THSD4: variants seen among roughly 807,000 people sequenced by gnomAD.
THSD4 encodes thrombospondin type 1 domain containing 4, also known as thrombospondin type-1 domain-containing protein 4.
Under a neutral mutation model 119.0 loss-of-function variants are expected in THSD4, and 69 were observed. The observed-to-expected ratio is 0.58, with a 90% CI of 0.48 to 0.71. The LOEUF (loss-of-function observed/expected upper bound fraction) is 0.71, where lower values mean the gene tolerates loss of function less well. Among genes scored for constraint, THSD4 ranks in the 30% least tolerant of loss-of-function variants. The probability of loss-of-function intolerance (pLI) is 0.00; values close to 1 mark genes in which losing one functional copy is unlikely to be tolerated. For missense variants in THSD4, 1,393 were observed against 1,391.1 expected, an observed-to-expected ratio of 1.00 and a Z score of -0.02; for synonymous variants, 524 against 540.4, an observed-to-expected ratio of 0.97 and a Z score of 0.42.
chr15:71,589,087 G>C (rs1008128135), intron 7 of THSD4, among the ~76,000 whole-genome samples: 17 of 152,244 alleles, frequency 1.1e-4, no homozygotes, highest in African/African-American at 3.9e-4. Context: ...TTACAATGGA[G>C]AGTTGGAGAT....
intron 6 of THSD4, among the ~76,000 whole-genome samples, chr15:71,371,723 C>A (rs374175257): frequency 4.6e-5 from 7 of 152,190 alleles, no homozygotes; most frequent in South Asian, 2.1e-4. Context: ...TTTTTCCTTC[C>A]TTTCAACTTT....
At chr15:71,683,035 C>T (rs1852591914) in intron 8 of THSD4, among the ~76,000 whole-genome samples, 1 of 150,684 alleles carries the variant, frequency 6.6e-6, no homozygotes, top group African/African-American at 2.4e-5. Flanking sequence ...GATCCTCCTA[C>T]CTCAGCCTCC....
chr15:71,303,744 G>A (rs893697802), intron 6 of THSD4, among the ~76,000 whole-genome samples: 1 of 152,244 alleles, frequency 6.6e-6, no homozygotes. Context: ...GTTTCCTGGT[G>A]CGCTGGATTA....
chr15:71,147,073 A>C (rs763764070), intron 2 of THSD4, among the ~76,000 whole-genome samples: 3 of 152,212 alleles, frequency 2.0e-5, no homozygotes, highest in Non-Finnish European at 4.4e-5. Context: ...CAGTAATTCC[A>C]ATTTGTAGAA....
At chr15:71,217,789 CTT>C (rs11413853) in intron 4 of THSD4, among the ~76,000 whole-genome samples, 14 of 137,732 alleles carry the variant, frequency 1.0e-4, no homozygotes, top group Non-Finnish European at 1.1e-4. Flanking sequence ...AGGCACTGTT[CTT>C]TTTTTTTTTT....
rs767404321 is a variant in THSD4 at position 71,341,439 on chromosome 15, G to A, written c.1016-70248G>A. The A allele has an allele frequency of 2.5e-6, 4 of 1,613,080 alleles. No individual in the cohort carries two copies. In the South Asian group the frequency reaches 3.3e-5, roughly 13 times the overall value. On this transcript the variant is annotated intron_variant, in intron 6 of 17. Coordinates refer to ENST00000261862, the MANE Select transcript of THSD4 (RefSeq NM_024817.3). Reference sequence around the variant, plus strand: ...CTCTCTGCGTTTTTAAGCATGTGCAGCAAGAATTCAGCACTCTTTTTGGGC... The same window carrying A: ...CTCTCTGCGTTTTTAAGCATGTGCAACAAGAATTCAGCACTCTTTTTGGGC...
At chr15:71,274,172 A>C (rs1017502577) in intron 6 of THSD4, among the ~76,000 whole-genome samples, 6 of 152,150 alleles carry the variant, frequency 3.9e-5, no homozygotes, top group African/African-American at 1.4e-4. Context: ...AAAGAAGGGA[A>C]AGTGGATATG....
chr15:71,446,850 T>C (rs918289802), intron 7 of THSD4, among the ~76,000 whole-genome samples: 3 of 152,206 alleles, frequency 2.0e-5, no homozygotes, highest in Admixed American at 1.3e-4. Context: ...CTATTCTTTC[T>C]TGTGCATGCT....
At chr15:71,216,630 G>C (rs961243407) in intron 4 of THSD4, among the ~76,000 whole-genome samples, 1 of 152,240 alleles carries the variant, frequency 6.6e-6, no homozygotes, top group Non-Finnish European at 1.5e-5. Flanking sequence ...TTCCAAGACT[G>C]AGCATGGAGG....
intron 6 of THSD4, among the ~76,000 whole-genome samples, chr15:71,324,381 G>A (rs1178262993): frequency 6.6e-6 from 1 of 152,140 alleles, no homozygotes; most frequent in Admixed American, 6.5e-5. Context: ...GAGTGGTGAA[G>A]TCTGAGATTT....
chr15:71,154,933 G>A lies in THSD4; in HGVS notation c.99+1G>A. On this transcript the variant is annotated splice_donor_variant, in intron 3 of 17. Transcript: ENST00000261862. LOFTEE classifies it high-confidence loss of function. ...ACAGCCCTCCACTCAACACAGGAAGGTAAGCCATGGCCATCCAGAGGTTTT... is the reference window on the plus strand; with the variant it reads ...ACAGCCCTCCACTCAACACAGGAAGATAAGCCATGGCCATCCAGAGGTTTT... 6.2e-7 allele frequency: 1 copy of A among 1,614,090 alleles called. No homozygotes were observed. The highest frequency in any genetic ancestry group is 2.2e-5 in the East Asian group (1 of 44,886).
intron 1 of THSD4, among the ~76,000 whole-genome samples, chr15:71,106,356 T>C (rs1007895913): frequency 2.0e-4 from 30 of 152,128 alleles, no homozygotes; most frequent in Admixed American, 2.6e-4. Flanking sequence ...CTGATGACTT[T>C]CCCTAAGCTC....
chr15:71,119,926 G>A (rs1255726942), intron 1 of THSD4, among the ~76,000 whole-genome samples: 1 of 152,212 alleles, frequency 6.6e-6, no homozygotes, highest in Non-Finnish European at 1.5e-5. Context: ...GGGCTGGTGG[G>A]GGACCAGTGC....
At chr15:71,402,737 C>G (rs1194886583) in intron 6 of THSD4, among the ~76,000 whole-genome samples, 3 of 152,290 alleles carry the variant, frequency 2.0e-5, no homozygotes, top group African/African-American at 7.2e-5. Flanking sequence ...GAAATAAACA[C>G]CTATGAGCCA....
intron 7 of THSD4, among the ~76,000 whole-genome samples, chr15:71,459,346 GTCTCTCTCTC>G (rs57397281): frequency 4.6e-4 from 56 of 121,052 alleles, no homozygotes; most frequent in Non-Finnish European, 4.5e-4. Context: ...CTGTCTCTCT[GTCTCTCTCTC>G]TCTCTCTGTC....
intron 7 of THSD4, among the ~76,000 whole-genome samples, chr15:71,495,540 G>A (rs781674445): frequency 5.3e-5 from 8 of 152,164 alleles, no homozygotes. Context: ...GGGAAAGAAT[G>A]GAACATTCTT....
chr15:71,482,786 C>T (rs969070693), intron 7 of THSD4, among the ~76,000 whole-genome samples: 2 of 151,446 alleles, frequency 1.3e-5, no homozygotes, highest in African/African-American at 4.9e-5. Context: ...GGGGTTTCAC[C>T]ATGTTGGCCA....
chr15:71,216,836 C>G lies in THSD4; in HGVS notation c.464+1437C>G, dbSNP rs368055897. 2.4e-3 allele frequency among the ~76,000 whole-genome samples: 371 copies of G among 152,322 alleles called. 4 individuals are homozygous for G. Among genetic ancestry groups the G allele is most frequent in the African/African-American group, 8.5e-3 (353 of 41,576 alleles). The stretch of plus-strand genomic sequence containing the variant: ...TTTTTGAGACAGAGTCTCACGCTGT[C>G]ACCCAGGTTGGAGTGCAGTGGCACC... On this transcript the variant is annotated intron_variant, in intron 4 of 17. Coordinates refer to ENST00000261862, the MANE Select transcript of THSD4 (RefSeq NM_024817.3).
chr15:71,564,962 A>G (rs2049207168), intron 7 of THSD4, among the ~76,000 whole-genome samples: 1 of 152,108 alleles, frequency 6.6e-6, no homozygotes, highest in African/African-American at 2.4e-5. Flanking sequence ...AAGGAAGACT[A>G]TCAATAGTAT....
Sources: gnomAD v4.1 joint callset for allele counts (sites outside exome capture counted in the v4.1 genomes callset) on GRCh38, gnomAD v4.1.1 for gene constraint, MANE v1.5 for transcripts, NCBI Gene and HGNC (gene_info 2026-07-23, HGNC 2026-07-21) for gene names.